FRMD4B: variants seen among roughly 807,000 people sequenced by gnomAD.
FRMD4B encodes the protein FERM domain containing 4B, also known as FERM domain-containing protein 4B.
A neutral mutation model predicts 141.5 loss-of-function variants in FRMD4B; 74 were observed. That is an observed-to-expected ratio of 0.52 (90% CI 0.43 to 0.63). The LOEUF is 0.63. FRMD4B is among the 30% of genes least tolerant of loss of function. The pLI is 0.00. For synonymous variants in FRMD4B, 506 were observed against 467.9 expected (o/e 1.08, Z -1.05); for missense variants, 1,366 against 1,253.4 (o/e 1.09, Z -1.36).
At chr3:69,402,807 G>A (rs1273355731) in intron 2 of FRMD4B, among the ~76,000 whole-genome samples, 2 of 152,122 alleles carry the variant, frequency 1.3e-5, no homozygotes, top group African/African-American at 4.8e-5. Context: ...CAATACATTA[G>A]TCAGATTGCA....
chr3:69,265,268 AAATATATATATATATATATATATAT>A lies in FRMD4B; in HGVS notation c.502-15194_502-15170del, dbSNP rs1408612391. 1.4e-4 allele frequency among the ~76,000 whole-genome samples: 4 copies of A among 28,872 alleles called. 1 individual carries two copies. Among genetic ancestry groups the A allele is most frequent in the Admixed American group, 8.2e-4 (2 of 2,428 alleles). 18.9% of individuals were successfully genotyped at this position (28,872 alleles called of 152,430 possible). A position where few individuals can be genotyped will look rare whatever the true frequency, so the allele number is the denominator to read the frequency against. On this transcript the variant is annotated intron_variant, in intron 5 of 22. Coordinates refer to ENST00000398540, the MANE Select transcript of FRMD4B (RefSeq NM_015123.3). ...AGACTCCATCTCAAAAAAAAAAAAA[AAATATATATATATATATATATATAT>A]ATATATATATATATATATATATGCA...
chr3:69,299,771 A>G (rs1701151933), intron 4 of FRMD4B, among the ~76,000 whole-genome samples: 1 of 152,154 alleles, frequency 6.6e-6, no homozygotes, highest in Admixed American at 6.6e-5. Flanking sequence ...TTAATGTGCT[A>G]TCACTGAAGG....
intron 1 of FRMD4B, among the ~76,000 whole-genome samples, chr3:69,540,660 T>TATATATATACACACACAC (rs1241897477): frequency 1.4e-4 from 8 of 56,862 alleles, no homozygotes; most frequent in African/African-American, 8.3e-4. Flanking sequence ...TATATATATA[T>TATATATATACACACACAC]ACACACACAC....
At chr3:69,231,065 G>A (rs2093301608) in intron 7 of FRMD4B, among the ~76,000 whole-genome samples, 1 of 152,244 alleles carries the variant, frequency 6.6e-6, no homozygotes, top group Non-Finnish European at 1.5e-5. Flanking sequence ...GGGAAGCTAA[G>A]TAAGGTTGGG....
At chr3:69,225,324 A>G (rs2093239829) in intron 7 of FRMD4B, among the ~76,000 whole-genome samples, 1 of 152,058 alleles carries the variant, frequency 6.6e-6, no homozygotes, top group African/African-American at 2.4e-5. Flanking sequence ...TTATCTAATT[A>G]TAAAATGGCA....
chr3:69,385,318 G>A (rs906031278), intron 1 of FRMD4B, among the ~76,000 whole-genome samples: 1 of 152,092 alleles, frequency 6.6e-6, no homozygotes, highest in African/African-American at 2.4e-5. Context: ...CCAAAAGCCA[G>A]TAGACACAGA....
At chr3:69,267,656 G>T (rs1176241319) in intron 5 of FRMD4B, among the ~76,000 whole-genome samples, 16 of 84,676 alleles carry the variant, frequency 1.9e-4, no homozygotes, top group African/African-American at 4.8e-4. Context: ...GAGAGAGAGA[G>T]AGAGAGAGAG....
chr3:69,252,515 A>G (rs946380495), intron 5 of FRMD4B, among the ~76,000 whole-genome samples: 14 of 152,248 alleles, frequency 9.2e-5, no homozygotes, highest in Admixed American at 3.3e-4. Flanking sequence ...CCATTGAACA[A>G]TCACTGTTCT....
Position 69,335,721 on chromosome 3 carries a change from G to A in FRMD4B, c.163-22204C>T, listed in dbSNP as rs1013664759. Among the ~76,000 whole-genome samples, 17 of 149,852 alleles carry A rather than the reference G, an allele frequency of 1.1e-4. No individual in the cohort carries two copies. The South Asian group carries it at 1.5e-3, about 13-fold the overall frequency. On this transcript the variant is annotated intron_variant, in intron 1 of 22. Transcript: ENST00000398540. ...GATATACTTTATATCTTATCTGCTG[G>A]GCAGGACTGAGTTTTTTTTTTTTTT...
chr3:69,504,903 T>G (rs1175530219), intron 1 of FRMD4B, among the ~76,000 whole-genome samples: 4 of 152,214 alleles, frequency 2.6e-5, no homozygotes, highest in African/African-American at 9.6e-5. Context: ...CACTGCTTCC[T>G]TTCTCATTTG....
intron 1 of FRMD4B, among the ~76,000 whole-genome samples, chr3:69,385,168 C>G (rs1052777721): frequency 6.6e-6 from 1 of 151,862 alleles, no homozygotes; most frequent in South Asian, 2.1e-4. Flanking sequence ...AGGATGGGAC[C>G]GAGCAGAGAA....
chr3:69,247,721 T>C (rs2093434270), intron 7 of FRMD4B, among the ~76,000 whole-genome samples: 1 of 152,162 alleles, frequency 6.6e-6, no homozygotes, highest in Non-Finnish European at 1.5e-5. Flanking sequence ...CTATCTCGGC[T>C]CACTGCAAGC....
intron 5 of FRMD4B, among the ~76,000 whole-genome samples, chr3:69,281,558 G>T (rs2093644513): frequency 6.6e-6 from 1 of 152,026 alleles, no homozygotes; most frequent in Non-Finnish European, 1.5e-5. Flanking sequence ...GGGTGCGGCA[G>T]CTCACGCCTG....
intron 1 of FRMD4B, among the ~76,000 whole-genome samples, chr3:69,376,186 A>G (rs75995079): frequency 0.015 from 2,315 of 152,284 alleles, 26 homozygotes; most frequent in Non-Finnish European, 0.024. Flanking sequence ...AGGATTTTCT[A>G]GGGAGTGGGA....
At chr3:69,212,633 G>C (rs541087729) in intron 11 of FRMD4B, among the ~76,000 whole-genome samples, 156 of 152,280 alleles carry the variant, frequency 1.0e-3, no homozygotes, top group African/African-American at 3.7e-3. Flanking sequence ...CATAAGTACA[G>C]GAGAGGAAAT....
intron 3 of FRMD4B, among the ~76,000 whole-genome samples, chr3:69,305,070 C>A (rs1215661837): frequency 6.6e-6 from 1 of 152,154 alleles, no homozygotes; most frequent in Non-Finnish European, 1.5e-5. Flanking sequence ...TTACAATAAG[C>A]CAGTGAGGAA....
intron 5 of FRMD4B, among the ~76,000 whole-genome samples, chr3:69,265,758 C>T (rs1313222729): frequency 6.6e-6 from 1 of 151,892 alleles, no homozygotes; most frequent in Non-Finnish European, 1.5e-5. Flanking sequence ...CATATTTGTT[C>T]TTGAGATGAA....
chr3:69,536,721 G>T, intron 1 of FRMD4B: 1 of 648,284 alleles, frequency 1.5e-6, no homozygotes, highest in Non-Finnish European at 2.8e-6. Flanking sequence ...CTTCAGTTAT[G>T]GTAAGGACTT....
At chr3:69,447,085 A>T (rs562493430) in intron 1 of FRMD4B, among the ~76,000 whole-genome samples, 1 of 152,316 alleles carries the variant, frequency 6.6e-6, no homozygotes, top group Admixed American at 6.5e-5. Flanking sequence ...CTCAAATAAG[A>T]GGATCAACTA....
Sources: gnomAD v4.1 joint callset for allele counts (sites outside exome capture counted in the v4.1 genomes callset) on GRCh38, gnomAD v4.1.1 for gene constraint, MANE v1.5 for transcripts, NCBI Gene and HGNC (gene_info 2026-07-23, HGNC 2026-07-21) for gene names.